Variants in AUTS2 observed in about 807,000 individuals in gnomAD.
The protein encoded by AUTS2 is activator of transcription and developmental regulator AUTS2.
AUTS2 carries 17 observed loss-of-function variants against 112.4 expected under a neutral mutation model. That is an observed-to-expected ratio of 0.15 (90% CI 0.10 to 0.23). The LOEUF (loss-of-function observed/expected upper bound fraction) is 0.23, where lower values mean the gene tolerates loss of function less well. AUTS2 is among the 10% of genes least tolerant of loss of function. AUTS2 has a pLI of 1.00. For synonymous variants in AUTS2, 751 were observed against 702.7 expected (o/e 1.07, Z -1.09); for missense variants, 1,510 against 1,701.6 (o/e 0.89, Z 1.98).
intron 1 of AUTS2, among the ~76,000 whole-genome samples, chr7:69,745,391 T>C (rs1787446684): frequency 6.6e-6 from 1 of 152,224 alleles, no homozygotes; most frequent in South Asian, 2.1e-4. Context: ...TGCCCTATTC[T>C]GGAGTAGTGA....
intron 1 of AUTS2, among the ~76,000 whole-genome samples, chr7:69,624,576 C>T (rs1334759551): frequency 6.6e-6 from 1 of 152,198 alleles, no homozygotes; most frequent in Non-Finnish European, 1.5e-5. Context: ...AAGCTGTGTG[C>T]AAGTGGAGGG....
chr7:70,773,647 C>T (rs901775509), intron 11 of AUTS2, among the ~76,000 whole-genome samples: 5 of 152,202 alleles, frequency 3.3e-5, no homozygotes, highest in Non-Finnish European at 7.3e-5. Context: ...TAATAATGTT[C>T]ACTTAAGCGT....
intron 1 of AUTS2, among the ~76,000 whole-genome samples, chr7:69,896,029 T>C (rs1794727731): frequency 6.6e-6 from 1 of 152,228 alleles, no homozygotes; most frequent in Admixed American, 6.5e-5. Flanking sequence ...TCACATTATA[T>C]AGAAGCAGCC....
intron 5 of AUTS2, among the ~76,000 whole-genome samples, chr7:70,686,882 G>A (rs561464929): frequency 1.3e-4 from 20 of 152,224 alleles, no homozygotes; most frequent in Admixed American, 4.6e-4. Flanking sequence ...AAATCCAATC[G>A]AATTTAGCAG....
At chr7:69,710,550 T>C (rs1409649678) in intron 1 of AUTS2, among the ~76,000 whole-genome samples, 1 of 152,188 alleles carries the variant, frequency 6.6e-6, no homozygotes, top group Non-Finnish European at 1.5e-5. Flanking sequence ...CACAGGTTTT[T>C]ACAAGAAAGC....
At position 70,618,284 on chromosome 7, in the gene AUTS2, A is replaced by G. The variant is rs543178151; in HGVS notation, c.691-80285A>G. ...CTCTTTGGGCAGTCACTTTGCCTGT[A>G]TGAGACGAGGAGGCCGGACCCTCTC... On this transcript the variant is annotated intron_variant, in intron 5 of 18. Coordinates refer to ENST00000342771, the MANE Select transcript of AUTS2 (RefSeq NM_015570.4). 4.9e-4 allele frequency among the ~76,000 whole-genome samples: 75 copies of G among 152,276 alleles called. 1 individual carries two copies. In the South Asian group the frequency reaches 0.015, roughly 31 times the overall value.
intron 4 of AUTS2, among the ~76,000 whole-genome samples, chr7:70,434,369 A>T (rs541747255): frequency 4.5e-4 from 69 of 152,300 alleles, no homozygotes; most frequent in Admixed American, 8.5e-4. Context: ...GGCTGTGGGG[A>T]TCTAGCCAGC....
At chr7:70,595,996 G>C (rs1803182052) in intron 5 of AUTS2, 1 of 152,178 alleles carries the variant, frequency 6.6e-6, no homozygotes, top group Non-Finnish European at 1.5e-5. Flanking sequence ...CTTTGCCGCC[G>C]CAACCCGCGC....
chr7:69,983,603 G>A (rs901034887), intron 2 of AUTS2, among the ~76,000 whole-genome samples: 2 of 152,090 alleles, frequency 1.3e-5, no homozygotes, highest in South Asian at 2.1e-4. Context: ...AACAATTGAT[G>A]AGTCTTAATG....
At chr7:70,431,531 G>T (rs370987662) in intron 4 of AUTS2, among the ~76,000 whole-genome samples, 3 of 152,132 alleles carry the variant, frequency 2.0e-5, no homozygotes, top group Non-Finnish European at 4.4e-5. Context: ...GATTACAGGC[G>T]CGTGCCACCA....
intron 4 of AUTS2, among the ~76,000 whole-genome samples, chr7:70,388,952 C>T (rs979960880): frequency 3.9e-5 from 6 of 152,202 alleles, no homozygotes; most frequent in African/African-American, 7.2e-5. Context: ...ATCAGATCCA[C>T]TTCAAGATGA....
At chr7:70,230,087 T>C (rs1045870055) in intron 4 of AUTS2, among the ~76,000 whole-genome samples, 3 of 143,374 alleles carry the variant, frequency 2.1e-5, no homozygotes, top group African/African-American at 7.7e-5. Flanking sequence ...ATAGTATCTA[T>C]TGACTTTTTT....
At chr7:69,942,563 A>G (rs1796666971) in intron 2 of AUTS2, among the ~76,000 whole-genome samples, 1 of 152,176 alleles carries the variant, frequency 6.6e-6, no homozygotes, top group African/African-American at 2.4e-5. Flanking sequence ...AAAGCCCGCT[A>G]TTAAATAATT....
chr7:69,729,994 A>ATTTTTTTTTTTTT lies in AUTS2; in HGVS notation c.309+130045_309+130057dup, dbSNP rs10684331. ...GTTTTTTTTTGTTGTTGTTGTTTTA[A>ATTTTTTTTTTTTT]TTTTTTTTTTTTTTTTTTTTTTTTT... On this transcript the variant is annotated intron_variant, in intron 1 of 18. Coordinates refer to ENST00000342771, the MANE Select transcript of AUTS2 (RefSeq NM_015570.4). Among the ~76,000 whole-genome samples, 31 of 56,758 alleles carry ATTTTTTTTTTTTT rather than the reference A, an allele frequency of 5.5e-4. 1 individual carries two copies. Among genetic ancestry groups the ATTTTTTTTTTTTT allele is most frequent in the African/African-American group, 2.0e-3 (24 of 11,880 alleles). 37.2% of individuals were successfully genotyped at this position (56,758 alleles called of 152,430 possible). A position where few individuals can be genotyped will look rare whatever the true frequency, so the allele number is the denominator to read the frequency against.
intron 4 of AUTS2, among the ~76,000 whole-genome samples, chr7:70,312,237 A>C (rs1789793341): frequency 6.6e-6 from 1 of 152,170 alleles, no homozygotes. Flanking sequence ...GATTTATGGT[A>C]ATCTTACCAT....
intron 1 of AUTS2, among the ~76,000 whole-genome samples, chr7:69,813,149 G>T (rs924647902): frequency 2.6e-5 from 4 of 152,052 alleles, no homozygotes; most frequent in African/African-American, 4.8e-5. Flanking sequence ...CCTTCAGCTT[G>T]CTTGCTGTTC....
At chr7:70,676,053 C>T (rs1246165105) in intron 5 of AUTS2, among the ~76,000 whole-genome samples, 2 of 152,124 alleles carry the variant, frequency 1.3e-5, no homozygotes, top group Non-Finnish European at 2.9e-5. Flanking sequence ...ATCTCACGAA[C>T]GAAATGGCCT....
In AUTS2 at chr7:69,961,289, G is replaced by A. The variant is rs577309515; in HGVS notation, c.522+61791G>A. Among the ~76,000 whole-genome samples the A allele has an allele frequency of 2.0e-5, 3 of 152,236 alleles. No homozygotes were observed. In the East Asian group the frequency reaches 5.8e-4, roughly 29 times the overall value. On this transcript the variant is annotated intron_variant, in intron 2 of 18. Transcript: ENST00000342771. ...ATCTGTAGTATGGCTTATGTAAAAT[G>A]TATAACTCCCTCTATCTCTGATAAG...
At chr7:69,612,194 T>C (rs1378520479) in intron 1 of AUTS2, among the ~76,000 whole-genome samples, 1 of 152,176 alleles carries the variant, frequency 6.6e-6, no homozygotes, top group African/African-American at 2.4e-5. Context: ...AAATGCTTTA[T>C]TTCTTAGTTT....
Sources: gnomAD v4.1 joint callset for allele counts (sites outside exome capture counted in the v4.1 genomes callset) on GRCh38, gnomAD v4.1.1 for gene constraint, MANE v1.5 for transcripts, NCBI Gene and HGNC (gene_info 2026-07-23, HGNC 2026-07-21) for gene names.